OTOF: variants seen among roughly 807,000 people sequenced by gnomAD.
The protein encoded by OTOF is otoferlin.
Under a neutral mutation model 236.8 loss-of-function variants are expected in OTOF, and 218 were observed. The observed-to-expected ratio is 0.92, with a 90% CI of 0.82 to 1.03. OTOF has a LOEUF of 1.03. Among genes scored for constraint, OTOF ranks in the 50% least tolerant of loss-of-function variants. The pLI is 0.00. For missense variants in OTOF, 2,590 were observed against 2,694.4 expected (o/e 0.96, Z 0.86); for synonymous variants, 1,041 against 1,072.5 (o/e 0.97, Z 0.57).
chr2:26,466,340 T>A, intron 36 of OTOF: 1 of 463,956 alleles, frequency 2.2e-6, no homozygotes, highest in Non-Finnish European at 3.9e-6. Flanking sequence ...CTTCTTCTTC[T>A]TTTTTTTTTC....
In OTOF at chr2:26,470,586, G is replaced by T; in HGVS notation, c.4023+7C>A. 3 of 1,614,084 alleles carry T rather than the reference G, an allele frequency of 1.9e-6. No individual in the cohort carries two copies. The highest frequency in any genetic ancestry group is 2.5e-6 in the Non-Finnish European group (3 of 1,179,994). ...GTCACCTCCCCTCACCCTACCCGAG[G>T]TCTCACCTCCTTCATGGTGTCAATG... is the stretch of plus-strand genomic sequence containing the variant. On this transcript the variant is annotated splice_region_variant and intron_variant, in intron 32 of 46. Coordinates refer to ENST00000272371, the MANE Select transcript of OTOF (RefSeq NM_194248.3). The surrounding 1 kb of genome is among the most constrained non-coding windows in gnomAD (Gnocchi z 4.3).
At chr2:26,553,395 T>C (rs1045711418) in intron 1 of OTOF, among the ~76,000 whole-genome samples, 1 of 152,176 alleles carries the variant, frequency 6.6e-6, no homozygotes, top group Non-Finnish European at 1.5e-5. Flanking sequence ...GGGGCAGTTT[T>C]TCAAGACCCA....
rs1324011714 is a variant in OTOF, at chr2:26,466,573, G to T, written c.4500+141C>A. 6.3e-6 allele frequency: 6 copies of T among 959,378 alleles called. No individual in the cohort carries two copies. The African/African-American group carries it at 9.7e-5, about 16-fold the overall frequency. The allele number at this position is 959,378 out of a possible 1,614,324, so 59.4% of individuals were successfully genotyped here. A position where few individuals can be genotyped will look rare whatever the true frequency, so the allele number is the denominator to read the frequency against. The stretch of plus-strand genomic sequence containing the variant: ...GCTGGTCTCGAACTCCTGACCTCAG[G>T]TGATCCTCCTGCCTTGGCCTCCCAA... On this transcript the variant is annotated intron_variant, in intron 36 of 46. Coordinates refer to ENST00000272371, the MANE Select transcript of OTOF (RefSeq NM_194248.3).
intron 8 of OTOF, among the ~76,000 whole-genome samples, chr2:26,499,595 C>T (rs944831664): frequency 3.9e-5 from 6 of 152,160 alleles, no homozygotes; most frequent in African/African-American, 1.4e-4. Context: ...ACAACCTCCA[C>T]TTTCTGGGTT....
chr2:26,476,157 G>T lies in OTOF; in HGVS notation c.2837C>A (p.Ala946Asp). ...VKAAQGLGLH[A>D]FPPVSLVYTK... is the part of the protein sequence containing the mutation. Reference sequence around the variant, plus strand: ...GTAGACCAGGCTGACGGGTGGGAAGGCATGCAGGCCCAGGCCCTGGGCTGC... The same window carrying T: ...GTAGACCAGGCTGACGGGTGGGAAGTCATGCAGGCCCAGGCCCTGGGCTGC... The change falls in exon 23 of 47, where the codon GCC becomes GAC. Residue 946 changes from alanine to aspartate, a missense_variant. Physicochemically the swap from Ala to Asp is moderately radical, Grantham distance 126. This residue lies in a region of OTOF where 1,379 missense variants were observed against 1,341.6 expected (regional missense o/e 1.03). Coordinates refer to ENST00000272371, the MANE Select transcript of OTOF (RefSeq NM_194248.3). 1 of 1,611,148 alleles carries T rather than the reference G, an allele frequency of 6.2e-7. No homozygotes were observed. The highest frequency in any genetic ancestry group is 8.5e-7 in the Non-Finnish European group (1 of 1,179,506).
intron 4 of OTOF, 66 bp from the exon 5 acceptor site, chr2:26,516,665 G>T: frequency 5.8e-6 from 9 of 1,543,088 alleles, no homozygotes; most frequent in Non-Finnish European, 8.0e-6. Context: ...CGTATATGTG[G>T]CTGCTTGGTG....
intron 22 of OTOF, among the ~76,000 whole-genome samples, 160 bp from the exon 23 acceptor site, chr2:26,476,477 G>T (rs915407872): frequency 7.7e-6 from 1 of 129,150 alleles, no homozygotes; most frequent in African/African-American, 3.0e-5. Context: ...ATGGGCAGGG[G>T]GCCGTCATGC....
intron 2 of OTOF, among the ~76,000 whole-genome samples, chr2:26,533,770 C>T (rs1324088065): frequency 5.3e-5 from 8 of 152,108 alleles, no homozygotes; most frequent in Admixed American, 4.6e-4. Flanking sequence ...TCCTAGTGAA[C>T]GTCACTGTTT....
chr2:26,473,036 G>C lies in OTOF; in HGVS notation c.3733+96C>G, dbSNP rs1665069417. The C allele has an allele frequency of 6.6e-6, 9 of 1,365,484 alleles. No homozygotes were observed. The highest frequency in any genetic ancestry group is 9.1e-6 in the Non-Finnish European group (9 of 988,076). 84.6% of individuals were successfully genotyped at this position (1,365,484 alleles called of 1,614,324 possible). On this transcript the variant is annotated intron_variant, in intron 29 of 46. Coordinates refer to ENST00000272371, the MANE Select transcript of OTOF (RefSeq NM_194248.3). The surrounding 1 kb of genome is among the most constrained non-coding windows in gnomAD (Gnocchi z 7.2). ...ATGCCCACCCCCTCGGCCCCAAAGA[G>C]CAAACTCTGGTCGCGGCTTGGACTG...
chr2:26,518,402 C>T (rs139653805), intron 4 of OTOF, among the ~76,000 whole-genome samples: 42 of 152,320 alleles, frequency 2.8e-4, no homozygotes, highest in Admixed American at 2.0e-3. Context: ...CTCAGGGTCC[C>T]TGTTCCTCAC....
Position 26,473,001 on chromosome 2 carries a change from A to G in OTOF, c.3733+131T>C, listed in dbSNP as rs1665068080. On this transcript the variant is annotated intron_variant, in intron 29 of 46. Transcript: ENST00000272371. The surrounding 1 kb of genome is among the most constrained non-coding windows in gnomAD (Gnocchi z 7.2). ...GCAGCCTTCCTTGGCCACCAGGGTGACCTTCTTCTATGCCCACCCCCTCGG... is the reference window on the plus strand; with the variant it reads ...GCAGCCTTCCTTGGCCACCAGGGTGGCCTTCTTCTATGCCCACCCCCTCGG... 3.0e-6 allele frequency: 3 copies of G among 994,844 alleles called. No individual in the cohort carries two copies. The highest frequency in any genetic ancestry group is 1.6e-5 in the African/African-American group (1 of 62,462). The allele number at this position is 994,844 out of a possible 1,614,324, so 61.6% of individuals were successfully genotyped here.
At chr2:26,489,319 C>G (rs1411776499) in intron 10 of OTOF, 24 bp from the exon 11 acceptor site, 2 of 1,579,414 alleles carry the variant, frequency 1.3e-6, no homozygotes, top group Admixed American at 3.4e-5. Flanking sequence ...CCACAGCCCA[C>G]CCGTCAGGCC....
rs761804786 is a variant in OTOF, at chr2:26,516,574, T to C, written c.353A>G (p.Tyr118Cys). 3.7e-6 allele frequency: 6 copies of C among 1,608,748 alleles called. No homozygotes were observed. Among genetic ancestry groups the C allele is most frequent in the South Asian group, 2.2e-5 (2 of 91,090 alleles). Residue 118 changes from tyrosine (Y) to cysteine (C), a missense_variant, in exon 5 of 47, where the codon TAT becomes TGT. This residue lies in a region of OTOF where 1,379 missense variants were observed against 1,341.6 expected (regional missense o/e 1.03). Coordinates refer to ENST00000272371, the MANE Select transcript of OTOF (RefSeq NM_194248.3). ...IKTSLCVEVR[Y>C]QATDGTVGSW... ...GCCCACTGTGCCGTCAGTGGCCTGATACCGGACCTCCACGCACAGGCTGGT... is the reference window on the plus strand; with the variant it reads ...GCCCACTGTGCCGTCAGTGGCCTGACACCGGACCTCCACGCACAGGCTGGT...
chr2:26,487,778 C>G (rs949731964), intron 11 of OTOF, among the ~76,000 whole-genome samples: 2 of 152,224 alleles, frequency 1.3e-5, no homozygotes, highest in Non-Finnish European at 2.9e-5. Flanking sequence ...TCATTCCAAG[C>G]AAGTAGTCCA....
chr2:26,513,220 T>C (rs1182466139), intron 5 of OTOF, among the ~76,000 whole-genome samples: 1 of 152,070 alleles, frequency 6.6e-6, no homozygotes, highest in Non-Finnish European at 1.5e-5. Context: ...CTTAGGGTCT[T>C]AGGAGTGAGT....
intron 3 of OTOF, among the ~76,000 whole-genome samples, chr2:26,522,194 C>G (rs985933696): frequency 6.6e-6 from 1 of 152,140 alleles, no homozygotes; most frequent in African/African-American, 2.4e-5. Flanking sequence ...AGTTCACCCC[C>G]CAACCTCTCT....
intron 30 of OTOF, chr2:26,472,277 A>G: frequency 1.8e-6 from 1 of 564,334 alleles, no homozygotes; most frequent in Admixed American, 2.6e-5. Flanking sequence ...ACATGCACAT[A>G]TGCACACCAC....
rs995431530 is a variant in OTOF, at chr2:26,460,881, G to A, written c.5683C>T (p.Arg1895Cys). The A allele has an allele frequency of 1.9e-5, 31 of 1,614,032 alleles. No homozygotes were observed. Among genetic ancestry groups the A allele is most frequent in the Admixed American group, 3.3e-5 (2 of 60,010 alleles). ...AGCTCAAACTCATCGTTCTCATTGC[G>A]GGCCAGGAGGGGCCACCAGCCTTTG... is the stretch of plus-strand genomic sequence containing the variant. ...RVKGWWPLLA[R>C]NENDEFELTG... Residue 1895 changes from arginine (R) to cysteine (C), a missense_variant, in exon 44 of 47, where the codon CGC (arginine) becomes TGC (cysteine). Transcript: ENST00000272371. The surrounding 1 kb of genome is among the most constrained non-coding windows in gnomAD (Gnocchi z 5.3).
At chr2:26,489,167 G>A (rs1665772078) in intron 11 of OTOF, 44 bp downstream of exon 11, 2 of 1,423,520 alleles carry the variant, frequency 1.4e-6, no homozygotes, top group African/African-American at 2.8e-5. Flanking sequence ...CACGCTCCCT[G>A]AGCCATGCAC....
Sources: gnomAD v4.1 joint callset for allele counts (sites outside exome capture counted in the v4.1 genomes callset) on GRCh38, gnomAD v4.1.1 for gene constraint, gnomAD v4.1.1 regional missense constraint, Gnocchi (gnomAD v3.1) non-coding constraint, MANE v1.5 for transcripts, NCBI Gene and HGNC (gene_info 2026-07-23, HGNC 2026-07-21) for gene names.